The following PTPRD variants were observed in gnomAD, a reference collection of about 807,000 sequenced individuals.
The protein encoded by PTPRD is protein tyrosine phosphatase receptor type D.
A neutral mutation model predicts 214.5 loss-of-function variants in PTPRD; 34 were observed. That is an observed-to-expected ratio of 0.16 (90% CI 0.12 to 0.21). The LOEUF (loss-of-function observed/expected upper bound fraction) is 0.21, where lower values mean the gene tolerates loss of function less well. PTPRD is among the 10% of genes least tolerant of loss of function. The pLI is 1.00. For missense variants in PTPRD, 2,545 were observed against 2,398.7 expected (o/e 1.06, Z -1.27); for synonymous variants, 1,128 against 845.7 (o/e 1.33, Z -5.79).
At chr9:8,784,016 T>C (rs2095843438) in intron 11 of PTPRD, among the ~76,000 whole-genome samples, 1 of 152,158 alleles carries the variant, frequency 6.6e-6, no homozygotes, top group South Asian at 2.1e-4. Context: ...TCATATATCC[T>C]CATGCTTTCT....
chr9:9,668,219 C>A (rs2096760393), intron 7 of PTPRD, among the ~76,000 whole-genome samples: 1 of 152,094 alleles, frequency 6.6e-6, no homozygotes, highest in African/African-American at 2.4e-5. Flanking sequence ...AAAACGAAAT[C>A]ATTCTACTGT....
chr9:9,063,765 C>T lies in PTPRD; in HGVS notation c.-142-45030G>A, dbSNP rs193119639. ...CACTAGTATGCGGAAGACTGTTTTCCTCAGATACACTGAAAGAAAAGGTGT... is the reference window on the plus strand; with the variant it reads ...CACTAGTATGCGGAAGACTGTTTTCTTCAGATACACTGAAAGAAAAGGTGT... On this transcript the variant is annotated intron_variant, in intron 10 of 45. Transcript: ENST00000381196. Among the ~76,000 whole-genome samples the T allele has an allele frequency of 2.5e-3, 375 of 152,248 alleles. 3 individuals are homozygous for T. The highest frequency in any genetic ancestry group is 4.2e-3 in the Non-Finnish European group (286 of 67,988).
intron 2 of PTPRD, among the ~76,000 whole-genome samples, chr9:10,549,257 GT>G (rs1390771743): frequency 1.3e-5 from 2 of 152,072 alleles, no homozygotes; most frequent in Non-Finnish European, 2.9e-5. Flanking sequence ...ATAATGCAAT[GT>G]TGTGTCAAAT....
intron 11 of PTPRD, among the ~76,000 whole-genome samples, chr9:8,971,592 T>G (rs1053442896): frequency 2.0e-5 from 3 of 151,758 alleles, no homozygotes; most frequent in African/African-American, 7.2e-5. Context: ...TGATCTATAA[T>G]TACATGTTTA....
intron 5 of PTPRD, among the ~76,000 whole-genome samples, chr9:9,903,970 T>C (rs78031663): frequency 0.011 from 1,709 of 152,210 alleles, 42 homozygotes; most frequent in African/African-American, 0.039. Flanking sequence ...TTAACCTCTA[T>C]CTTGGGTCAA....
chr9:9,542,106 C>G lies in PTPRD; in HGVS notation c.-237+32626G>C, dbSNP rs113320378. 4.9e-3 allele frequency among the ~76,000 whole-genome samples: 748 copies of G among 151,270 alleles called. 4 individuals are homozygous for G. The highest frequency in any genetic ancestry group is 0.017 in the African/African-American group (702 of 41,382). On this transcript the variant is annotated intron_variant, in intron 8 of 45. Coordinates refer to ENST00000381196, the MANE Select transcript of PTPRD (RefSeq NM_002839.4). ...ATGACAAACCCTGAGTTACTCTAAT[C>G]AAGAAAAAGGAGATACTTACAGAAA...
chr9:10,182,766 T>C (rs901816295), intron 3 of PTPRD, among the ~76,000 whole-genome samples: 10 of 152,134 alleles, frequency 6.6e-5, no homozygotes, highest in African/African-American at 9.6e-5. Flanking sequence ...GTACTTCAAG[T>C]GGGTGTATAA....
chr9:10,581,671 G>C (rs2071864131), intron 2 of PTPRD, among the ~76,000 whole-genome samples: 1 of 152,134 alleles, frequency 6.6e-6, no homozygotes. Context: ...GCTGGAATAA[G>C]ACAACTCGCT....
chr9:10,497,026 C>G (rs761887174), intron 2 of PTPRD, among the ~76,000 whole-genome samples: 1 of 151,994 alleles, frequency 6.6e-6, no homozygotes, highest in South Asian at 2.1e-4. Flanking sequence ...TGGCCATAAT[C>G]CTAAGTGAAT....
intron 10 of PTPRD, among the ~76,000 whole-genome samples, chr9:9,112,519 A>C (rs570374491): frequency 6.6e-5 from 10 of 152,272 alleles, no homozygotes; most frequent in African/African-American, 2.4e-4. Context: ...TCTCTTTCTT[A>C]GAAGTCAATG....
intron 7 of PTPRD, among the ~76,000 whole-genome samples, chr9:9,679,565 C>T (rs984131792): frequency 1.3e-5 from 2 of 151,844 alleles, no homozygotes; most frequent in Non-Finnish European, 2.9e-5. Flanking sequence ...CCGAGGAATG[C>T]TTTAAACAGC....
intron 5 of PTPRD, among the ~76,000 whole-genome samples, chr9:9,806,736 C>T (rs1250922655): frequency 2.0e-5 from 3 of 152,140 alleles, no homozygotes; most frequent in Non-Finnish European, 4.4e-5. Context: ...TCAGCAGCTT[C>T]CCAAAAAGAT....
intron 11 of PTPRD, among the ~76,000 whole-genome samples, chr9:8,841,068 G>T (rs1364134004): frequency 6.6e-6 from 1 of 152,110 alleles, no homozygotes; most frequent in African/African-American, 2.4e-5. Flanking sequence ...TGAGAAGATG[G>T]ACTATTAAAT....
At chr9:9,539,335 G>T (rs146397390) in intron 8 of PTPRD, among the ~76,000 whole-genome samples, 216 of 151,892 alleles carry the variant, frequency 1.4e-3, no homozygotes, top group African/African-American at 5.0e-3. Context: ...AATGAAAGGG[G>T]GTAGGTGGGA....
intron 7 of PTPRD, among the ~76,000 whole-genome samples, chr9:9,617,083 T>C (rs1039027430): frequency 6.6e-6 from 1 of 152,196 alleles, no homozygotes; most frequent in Admixed American, 6.5e-5. Context: ...CTGTTAATAT[T>C]GTTATTCTTG....
Position 8,896,005 on chromosome 9 carries a change from A to C in PTPRD, c.-104+122692T>G, listed in dbSNP as rs536046289. On this transcript the variant is annotated intron_variant, in intron 11 of 45. Coordinates refer to ENST00000381196, the MANE Select transcript of PTPRD (RefSeq NM_002839.4). ...TAAAAAATCAAGAGAGCTATTTAAA[A>C]CTCCAGTTGCTCTTTTAAATCTGAC... 5.9e-5 allele frequency among the ~76,000 whole-genome samples: 9 copies of C among 151,982 alleles called. No homozygotes were observed. The East Asian group carries it at 1.7e-3, about 29-fold the overall frequency.
intron 10 of PTPRD, among the ~76,000 whole-genome samples, chr9:9,107,197 A>T (rs1043176976): frequency 5.5e-4 from 84 of 152,280 alleles, no homozygotes; most frequent in African/African-American, 1.9e-3. Context: ...ATCTTTTAGA[A>T]GGAGGCCAAA....
intron 4 of PTPRD, among the ~76,000 whole-genome samples, chr9:10,004,939 G>T (rs145248520): frequency 4.7e-4 from 71 of 152,158 alleles, no homozygotes; most frequent in African/African-American, 1.5e-3. Context: ...CTAGCAGAGG[G>T]TCTTAAAATT....
At chr9:8,414,545 T>G (rs1254103961) in intron 35 of PTPRD, among the ~76,000 whole-genome samples, 3 of 152,092 alleles carry the variant, frequency 2.0e-5, no homozygotes, top group African/African-American at 7.2e-5. Context: ...CCACTTATGT[T>G]GGGAGTTATA....
Sources: allele counts gnomAD v4.1 joint callset (sites outside exome capture counted in the v4.1 genomes callset), GRCh38; gene constraint gnomAD v4.1.1; transcripts MANE v1.5; gene names NCBI Gene and HGNC (gene_info 2026-07-23, HGNC 2026-07-21).